The following SLC7A8 variants were observed in gnomAD, a reference collection of about 807,000 sequenced individuals.
SLC7A8 encodes solute carrier family 7 member 8, also known as large neutral amino acids transporter small subunit 2.
Under a neutral mutation model 51.2 loss-of-function variants are expected in SLC7A8, and 30 were observed. The ratio of observed to expected loss-of-function variants is 0.59; its 90% confidence interval spans 0.44 to 0.80. SLC7A8 has a LOEUF of 0.80. Ranked by LOEUF, SLC7A8 falls within the 30% of genes least tolerant of loss-of-function variation. The pLI is 0.00. For missense variants in SLC7A8, 612 were observed against 674.4 expected (o/e 0.91, Z 1.03); for synonymous variants, 257 against 275.8 (o/e 0.93, Z 0.67).
At chr14:23,163,493 C>G (rs555073079) in intron 3 of SLC7A8, among the ~76,000 whole-genome samples, 2 of 152,328 alleles carry the variant, frequency 1.3e-5, no homozygotes, top group Admixed American at 1.3e-4. Flanking sequence ...GGAGGTCTGT[C>G]CCAGGGTTGA....
intron 1 of SLC7A8, among the ~76,000 whole-genome samples, chr14:23,179,480 G>A (rs759920378): frequency 1.3e-5 from 2 of 151,324 alleles, no homozygotes; most frequent in African/African-American, 2.4e-5. Context: ...TAGATTTAGG[G>A]CAAATGTAAC....
chr14:23,144,755 A>G (rs982070104), intron 3 of SLC7A8, among the ~76,000 whole-genome samples: 1 of 151,920 alleles, frequency 6.6e-6, no homozygotes, highest in Non-Finnish European at 1.5e-5. Flanking sequence ...CTTAAATGTC[A>G]CCTGTTCTGT....
At chr14:23,169,496 T>C (rs1007777675) in intron 1 of SLC7A8, among the ~76,000 whole-genome samples, 1 of 152,218 alleles carries the variant, frequency 6.6e-6, no homozygotes, top group Non-Finnish European at 1.5e-5. Context: ...AACCTCTGCC[T>C]CCCAGGTTCA....
rs1877237079 is a variant in SLC7A8, at chr14:23,182,754, T to C, written c.151+10A>G. 1 of 1,547,216 alleles carries C rather than the reference T, an allele frequency of 6.5e-7. No homozygotes were observed. The highest frequency in any genetic ancestry group is 8.7e-7 in the Non-Finnish European group (1 of 1,148,864). The stretch of plus-strand genomic sequence containing the variant: ...GAGAGGAGGGGTCCGCGGGAAGGAA[T>C]GGAACTCACCTACGATGATACCACA... On this transcript the variant is annotated intron_variant, in intron 1 of 10. Transcript: ENST00000316902.
intron 6 of SLC7A8, 155 bp from the exon 7 acceptor site, chr14:23,138,179 A>G (rs2048709005): frequency 7.1e-6 from 6 of 846,070 alleles, no homozygotes; most frequent in East Asian, 5.4e-5. Flanking sequence ...TCAAGGGTGG[A>G]CCCCTACACA....
At chr14:23,141,389 T>G (rs1421414450) in intron 4 of SLC7A8, among the ~76,000 whole-genome samples, 1 of 152,262 alleles carries the variant, frequency 6.6e-6, no homozygotes, top group South Asian at 2.1e-4. Context: ...TCAAGCTTGT[T>G]TTGCTGCTTG....
intron 3 of SLC7A8, among the ~76,000 whole-genome samples, chr14:23,150,110 T>C (rs2048833269): frequency 6.6e-6 from 1 of 152,242 alleles, no homozygotes; most frequent in Admixed American, 6.5e-5. Flanking sequence ...TTAAAATTAA[T>C]TTCTTTAGTG....
At chr14:23,133,440 CAAAAAAAAAAAAAAAA>C (rs10577714) in intron 7 of SLC7A8, among the ~76,000 whole-genome samples, 59 of 93,224 alleles carry the variant, frequency 6.3e-4, no homozygotes, top group Non-Finnish European at 9.8e-4. Context: ...GAACCTGTCT[CAAAAAAAAAAAAAAAA>C]AAAAAGAGAA....
chr14:23,157,680 C>T (rs981106493), intron 3 of SLC7A8, among the ~76,000 whole-genome samples: 6 of 152,212 alleles, frequency 3.9e-5, no homozygotes, highest in African/African-American at 1.4e-4. Context: ...CTAGAACATT[C>T]TCCCCACCCC....
At chr14:23,146,133 C>T (rs1048440452) in intron 3 of SLC7A8, among the ~76,000 whole-genome samples, 10 of 152,200 alleles carry the variant, frequency 6.6e-5, no homozygotes, top group African/African-American at 2.4e-4. Flanking sequence ...TGCGCCCCTT[C>T]ACCCAGGAAT....
chr14:23,154,488 C>T (rs960451146), intron 3 of SLC7A8: 3 of 985,332 alleles, frequency 3.0e-6, no homozygotes, highest in African/African-American at 1.7e-5. Context: ...GTTCCTTGGC[C>T]GCCTCCCCCG....
intron 3 of SLC7A8, among the ~76,000 whole-genome samples, chr14:23,148,861 GT>G (rs1274126332): frequency 3.9e-5 from 6 of 152,174 alleles, no homozygotes; most frequent in African/African-American, 1.4e-4. Flanking sequence ...CATTTGCATA[GT>G]TTTAAACCAC....
Position 23,127,006 on chromosome 14 carries a change from A to C in SLC7A8, c.*171T>G. ...GGGGTGAGAGGCTGGTTCTTTGGGTATGAATGTCAGTTTTTGTTTACAATT... is the reference window on the plus strand; with the variant it reads ...GGGGTGAGAGGCTGGTTCTTTGGGTCTGAATGTCAGTTTTTGTTTACAATT... On this transcript the variant is annotated 3_prime_UTR_variant, in exon 11 of 11. Coordinates refer to ENST00000316902, the MANE Select transcript of SLC7A8 (RefSeq NM_012244.4). 5.2e-6 allele frequency: 4 copies of C among 764,496 alleles called. No individual in the cohort carries two copies. Among genetic ancestry groups the C allele is most frequent in the Non-Finnish European group, 8.4e-6 (4 of 475,052 alleles). 47.4% of individuals were successfully genotyped at this position (764,496 alleles called of 1,614,324 possible).
rs555068324 is a variant in SLC7A8, at chr14:23,166,684, G to C, written c.152-144C>G. 9 of 803,856 alleles carry C rather than the reference G, an allele frequency of 1.1e-5. No individual in the cohort carries two copies. In the Admixed American group the frequency reaches 2.1e-4, roughly 19 times the overall value. 49.8% of individuals were successfully genotyped at this position (803,856 alleles called of 1,614,324 possible). ...AATGATCTGCAGGCAGGTGTGCCTAGCAATAATTCTCCCTGAAGTAGGGGA... is the reference window on the plus strand; with the variant it reads ...AATGATCTGCAGGCAGGTGTGCCTACCAATAATTCTCCCTGAAGTAGGGGA... On this transcript the variant is annotated intron_variant, in intron 1 of 10. Transcript: ENST00000316902.
Position 23,166,454 on chromosome 14 carries a change from T to A in SLC7A8, c.238A>T (p.Ile80Phe), listed in dbSNP as rs776073238. 2 of 1,613,902 alleles carry A rather than the reference T, an allele frequency of 1.2e-6. No homozygotes were observed. The highest frequency in any genetic ancestry group is 1.3e-5 in the African/African-American group (1 of 74,836). ...GSVGLALIVW[I>F]VTGFITVVGA... ...ACAACTGTGATGAAGCCCGTCACAA[T>A]CCAGACGATGAGAGCAAGGCCCACA... The change falls in exon 2 of 11, where the codon ATT becomes TTT. Residue 80 changes from isoleucine to phenylalanine, a missense_variant. Ile to Phe is a conservative substitution (Grantham distance 21). Coordinates refer to ENST00000316902, the MANE Select transcript of SLC7A8 (RefSeq NM_012244.4).
At chr14:23,176,249 A>G (rs574448616) in intron 1 of SLC7A8, among the ~76,000 whole-genome samples, 3 of 152,188 alleles carry the variant, frequency 2.0e-5, no homozygotes, top group Non-Finnish European at 4.4e-5. Context: ...AATTTTTCCA[A>G]GTCAGTCCAG....
In SLC7A8 at chr14:23,127,009, A is replaced by G. The variant is rs578181042; in HGVS notation, c.*168T>C. On this transcript the variant is annotated 3_prime_UTR_variant, in exon 11 of 11. Transcript: ENST00000316902. Reference sequence around the variant, plus strand: ...GTGAGAGGCTGGTTCTTTGGGTATGAATGTCAGTTTTTGTTTACAATTTCT... The same window carrying G: ...GTGAGAGGCTGGTTCTTTGGGTATGGATGTCAGTTTTTGTTTACAATTTCT... 2.3e-5 allele frequency: 18 copies of G among 788,776 alleles called. No individual in the cohort carries two copies. In the East Asian group the frequency reaches 4.6e-4, roughly 20 times the overall value. The allele number at this position is 788,776 out of a possible 1,614,324, so 48.9% of individuals were successfully genotyped here. A position where few individuals can be genotyped will look rare whatever the true frequency, so the allele number is the denominator to read the frequency against.
chr14:23,154,574 T>G (rs2140327614), intron 3 of SLC7A8: 1 of 716,696 alleles, frequency 1.4e-6, no homozygotes, highest in Non-Finnish European at 1.7e-6. Context: ...CCGCAGGCGT[T>G]TCCAGATCTA....
At chr14:23,142,681 T>C (rs2048756161) in intron 4 of SLC7A8, among the ~76,000 whole-genome samples, 1 of 152,042 alleles carries the variant, frequency 6.6e-6, no homozygotes, top group Non-Finnish European at 1.5e-5. Flanking sequence ...TTAAATTTTT[T>C]TGTAGAGATG....
Sources: allele counts gnomAD v4.1 joint callset (sites outside exome capture counted in the v4.1 genomes callset), GRCh38; gene constraint gnomAD v4.1.1; transcripts MANE v1.5; gene names NCBI Gene and HGNC (gene_info 2026-07-23, HGNC 2026-07-21).